Variants in KCNQ5 observed in about 807,000 individuals in gnomAD.
The protein encoded by KCNQ5 is potassium voltage-gated channel subfamily KQT member 5.
A neutral mutation model predicts 98.2 loss-of-function variants in KCNQ5; 30 were observed. The observed-to-expected ratio is 0.31, with a 90% confidence interval of 0.23 to 0.41. The LOEUF (loss-of-function observed/expected upper bound fraction) is 0.41. Ranked by LOEUF, KCNQ5 falls within the 10% of genes least tolerant of loss-of-function variation. The pLI is 1.00. For synonymous variants in KCNQ5, 458 were observed against 449.4 expected (o/e 1.02, Z -0.24); for missense variants, 835 against 1,182.5 (o/e 0.71, Z 4.31).
chr6:73,055,384 T>C, intron 3 of KCNQ5: 1 of 1,492,172 alleles, frequency 6.7e-7, no homozygotes, highest in Non-Finnish European at 9.3e-7. Flanking sequence ...CCGGTCTCAA[T>C]AAAGCAGAAA....
At chr6:72,831,065 A>G (rs1333716645) in intron 1 of KCNQ5, among the ~76,000 whole-genome samples, 2 of 152,142 alleles carry the variant, frequency 1.3e-5, no homozygotes, top group African/African-American at 4.8e-5. Flanking sequence ...CGATCATTAA[A>G]AAGTCAGGAA....
At chr6:73,051,728 A>C (rs1162654082) in intron 3 of KCNQ5, among the ~76,000 whole-genome samples, 4 of 150,134 alleles carry the variant, frequency 2.7e-5, no homozygotes, top group Non-Finnish European at 5.9e-5. Context: ...AAAAAAAAAA[A>C]AAAAAAAAAA....
chr6:72,755,084 T>C (rs184483255), intron 1 of KCNQ5, among the ~76,000 whole-genome samples: 1 of 152,178 alleles, frequency 6.6e-6, no homozygotes, highest in Admixed American at 6.5e-5. Context: ...TATTATTATG[T>C]AATGTCTCTC....
chr6:72,870,883 A>G (rs1328921747), intron 1 of KCNQ5, among the ~76,000 whole-genome samples: 1 of 152,176 alleles, frequency 6.6e-6, no homozygotes, highest in East Asian at 1.9e-4. Flanking sequence ...TAAAAGTCAA[A>G]TATTCACTAG....
intron 1 of KCNQ5, among the ~76,000 whole-genome samples, chr6:72,901,796 G>A (rs113714462): frequency 1.1e-3 from 165 of 152,158 alleles, no homozygotes; most frequent in African/African-American, 3.6e-3. Flanking sequence ...CTCCAGATTT[G>A]TTCTTTTTGC....
chr6:72,696,173 G>T (rs1768486579), intron 1 of KCNQ5, among the ~76,000 whole-genome samples: 1 of 152,150 alleles, frequency 6.6e-6, no homozygotes, highest in South Asian at 2.1e-4. Context: ...CTAAAAGGTT[G>T]TTCGCAGCAA....
rs74338097 is a variant in KCNQ5 at position 72,927,854 on chromosome 6, G to C, written c.399-76054G>C. Among the ~76,000 whole-genome samples, 675 of 152,024 alleles carry C rather than the reference G, an allele frequency of 4.4e-3. 3 individuals are homozygous for C. The highest frequency in any genetic ancestry group is 7.0e-3 in the Non-Finnish European group (475 of 67,928). On this transcript the variant is annotated intron_variant, in intron 1 of 13. Coordinates refer to ENST00000370398, the MANE Select transcript of KCNQ5 (RefSeq NM_019842.4). ...TTTTCACTTGTTTTCGCAAAAGATA[G>C]ATAATTCTGGACTCACAGATCTCTA... is the stretch of plus-strand genomic sequence containing the variant.
At position 72,957,131 on chromosome 6, in the gene KCNQ5, A is replaced by G. The variant is rs1428045222; in HGVS notation, c.399-46777A>G. On this transcript the variant is annotated intron_variant, in intron 1 of 13. Coordinates refer to ENST00000370398, the MANE Select transcript of KCNQ5 (RefSeq NM_019842.4). ...TCATAATGAGTAAGGGTGGACCTAG[A>G]GCAGTAGATCTCACCCCTGGCTGTA... 3.4e-5 allele frequency among the ~76,000 whole-genome samples: 5 copies of G among 148,392 alleles called. No homozygotes were observed. The South Asian group carries it at 1.1e-3, about 32-fold the overall frequency.
intron 3 of KCNQ5, among the ~76,000 whole-genome samples, chr6:73,061,914 T>G (rs1772799672): frequency 1.3e-5 from 2 of 152,086 alleles, no homozygotes; most frequent in South Asian, 4.1e-4. Context: ...CAGAAAAAAA[T>G]TATCAACTCA....
intron 1 of KCNQ5, among the ~76,000 whole-genome samples, chr6:72,794,074 A>G (rs1774199305): frequency 6.6e-6 from 1 of 152,250 alleles, no homozygotes; most frequent in Non-Finnish European, 1.5e-5. Flanking sequence ...ACAAAGAAGT[A>G]TTATCATAAA....
intron 1 of KCNQ5, among the ~76,000 whole-genome samples, chr6:72,655,313 A>G (rs1458878200): frequency 6.6e-6 from 1 of 151,964 alleles, no homozygotes; most frequent in African/African-American, 2.4e-5. Context: ...TTGACTTCCC[A>G]TTTTTTAGCA....
At chr6:73,110,758 C>T (rs1775210840) in intron 6 of KCNQ5, among the ~76,000 whole-genome samples, 1 of 152,080 alleles carries the variant, frequency 6.6e-6, no homozygotes, top group Non-Finnish European at 1.5e-5. Flanking sequence ...ACAGCTGGGA[C>T]AGATTTTATA....
intron 1 of KCNQ5, among the ~76,000 whole-genome samples, chr6:72,865,730 A>T (rs1368975084): frequency 6.6e-6 from 1 of 152,164 alleles, no homozygotes; most frequent in Non-Finnish European, 1.5e-5. Context: ...ACAACTGAAG[A>T]TTACTAATAA....
chr6:72,633,785 A>T (rs2098922416), intron 1 of KCNQ5, among the ~76,000 whole-genome samples: 1 of 152,240 alleles, frequency 6.6e-6, no homozygotes, highest in Admixed American at 6.5e-5. Context: ...TAATGGGGAG[A>T]GGGCTCCCCA....
intron 6 of KCNQ5, among the ~76,000 whole-genome samples, chr6:73,109,629 A>G (rs1347675910): frequency 1.3e-5 from 2 of 152,242 alleles, no homozygotes; most frequent in Non-Finnish European, 2.9e-5. Context: ...GGGCATTTTT[A>G]TAACACCTAA....
chr6:72,957,147 C>T (rs143363663), intron 1 of KCNQ5, among the ~76,000 whole-genome samples: 1 of 150,766 alleles, frequency 6.6e-6, no homozygotes, highest in African/African-American at 2.4e-5. Flanking sequence ...AGATCTCACC[C>T]CTGGCTGTAC....
intron 1 of KCNQ5, among the ~76,000 whole-genome samples, chr6:72,764,314 A>C (rs1582245662): frequency 6.6e-6 from 1 of 152,148 alleles, no homozygotes. Context: ...CCCCTAACCC[A>C]CTAGGTAGAA....
At chr6:72,808,644 A>G (rs1012896581) in intron 1 of KCNQ5, among the ~76,000 whole-genome samples, 4 of 152,178 alleles carry the variant, frequency 2.6e-5, no homozygotes, top group African/African-American at 9.6e-5. Context: ...TGAATGAAGA[A>G]TAACTATAAA....
intron 1 of KCNQ5, among the ~76,000 whole-genome samples, chr6:72,879,883 T>A (rs1778572977): frequency 6.6e-6 from 1 of 152,200 alleles, no homozygotes; most frequent in Non-Finnish European, 1.5e-5. Context: ...CAATATATGC[T>A]CGAGTAGCCT....
Sources: allele counts gnomAD v4.1 joint callset (sites outside exome capture counted in the v4.1 genomes callset), GRCh38; gene constraint gnomAD v4.1.1; transcripts MANE v1.5; gene names NCBI Gene and HGNC (gene_info 2026-07-23, HGNC 2026-07-21).